SYCP2L: variants seen among roughly 807,000 people sequenced by gnomAD.
SYCP2L encodes synaptonemal complex protein 2 like.
A neutral mutation model predicts 125.8 loss-of-function variants in SYCP2L; 98 were observed. The observed-to-expected ratio is 0.78, with a 90% confidence interval of 0.66 to 0.92. SYCP2L has a LOEUF of 0.92. Ranked by LOEUF, SYCP2L falls within the 40% of genes least tolerant of loss-of-function variation. The probability of loss-of-function intolerance (pLI) is 0.00; values close to 1 mark genes in which losing one functional copy is unlikely to be tolerated. For missense variants in SYCP2L, 842 were observed against 936.4 expected (o/e 0.90, Z 1.32); for synonymous variants, 317 against 325.4 (o/e 0.97, Z 0.28).
In SYCP2L at chr6:10,955,158, T is replaced by C. The variant is rs761131591; in HGVS notation, c.1997T>C (p.Leu666Ser). 6 of 1,613,580 alleles carry C rather than the reference T, an allele frequency of 3.7e-6. No homozygotes were observed. In the Admixed American group the frequency reaches 6.7e-5, roughly 18 times the overall value. ...TTTGCTAAGTCACAACAATCAAGAT[T>C]GGAAGAAGAGGTTGCTCCGGGATCC... ...GSFAKSQQSR[L>S]EEEVAPGSPF... The change falls in exon 24 of 30, where the codon TTG becomes TCG. Residue 666 changes from leucine (L) to serine (S), a missense_variant. Physicochemically the swap from Leu to Ser is moderately radical, Grantham distance 145. Transcript: ENST00000283141.
chr6:10,931,901 T>C (rs1781002844), intron 20 of SYCP2L, among the ~76,000 whole-genome samples: 1 of 151,344 alleles, frequency 6.6e-6, no homozygotes, highest in Admixed American at 6.6e-5. Context: ...GGAGGTGGGG[T>C]TTGCAGTGAG....
intron 8 of SYCP2L, among the ~76,000 whole-genome samples, chr6:10,903,823 A>AT (rs201472872): frequency 4.0e-5 from 6 of 149,598 alleles, no homozygotes; most frequent in East Asian, 1.9e-4. Context: ...AATAATTATA[A>AT]TTTTTTTTTC....
chr6:10,944,712 ATT>A (rs1781278894), intron 23 of SYCP2L, among the ~76,000 whole-genome samples: 1 of 151,852 alleles, frequency 6.6e-6, no homozygotes, highest in Admixed American at 6.6e-5. Flanking sequence ...ATTATTTTTT[ATT>A]TTTTAATTTT....
intron 20 of SYCP2L, among the ~76,000 whole-genome samples, chr6:10,934,557 A>G (rs1344041775): frequency 6.6e-6 from 1 of 152,212 alleles, no homozygotes. Flanking sequence ...GCGCGTGCCT[A>G]TGATTCCAGC....
At chr6:10,947,405 C>A (rs1024708938) in intron 23 of SYCP2L, among the ~76,000 whole-genome samples, 3 of 151,970 alleles carry the variant, frequency 2.0e-5, no homozygotes, top group Non-Finnish European at 2.9e-5. Flanking sequence ...ATTAAACCAT[C>A]CCACACAAGA....
rs1435398205 is a variant in SYCP2L at position 10,898,685 on chromosome 6, T to C, written c.442-139T>C. On this transcript the variant is annotated intron_variant, in intron 5 of 29. Transcript: ENST00000283141. ...TTTAAGGAAGTGATTAAGGCCCAGA[T>C]AGGCTTTCTCTAAAATGCTTTTCTT... 6.1e-6 allele frequency: 4 copies of C among 653,088 alleles called. No homozygotes were observed. In the East Asian group the frequency reaches 1.1e-4, roughly 18 times the overall value. 40.5% of individuals were successfully genotyped at this position (653,088 alleles called of 1,614,324 possible). A position where few individuals can be genotyped will look rare whatever the true frequency, so the allele number is the denominator to read the frequency against.
chr6:10,916,989 T>C (rs1705321539), intron 14 of SYCP2L, among the ~76,000 whole-genome samples: 1 of 152,126 alleles, frequency 6.6e-6, no homozygotes, highest in African/African-American at 2.4e-5. Flanking sequence ...AAGACTCCAT[T>C]TCAAAAAATA....
chr6:10,942,578 A>G (rs1275541478), intron 22 of SYCP2L, 49 bp downstream of exon 22: 7 of 1,573,196 alleles, frequency 4.4e-6, no homozygotes, highest in South Asian at 2.3e-5. Context: ...AATTAATATC[A>G]TATTTGCATA....
intron 21 of SYCP2L, among the ~76,000 whole-genome samples, chr6:10,936,996 C>A (rs1455199066): frequency 6.6e-6 from 1 of 152,184 alleles, no homozygotes; most frequent in African/African-American, 2.4e-5. Context: ...TAAAAGAGTT[C>A]TTTAATTACC....
chr6:10,930,407 A>G lies in SYCP2L; in HGVS notation c.1526A>G (p.Asn509Ser), dbSNP rs1780973165. ...AGAAAACATCTCTTCTCTGAGAGTA[A>G]TCAAGATTCAAGTACCAGTGAACTA... ...HYRKHLFSES[N>S]QDSSTSELSW... Residue 509 changes from asparagine to serine, a missense_variant, in exon 19 of 30, where the codon AAT becomes AGT. Physicochemically the swap from Asn to Ser is conservative, Grantham distance 46. Coordinates refer to ENST00000283141, the MANE Select transcript of SYCP2L (RefSeq NM_001040274.3). 1 of 1,613,522 alleles carries G rather than the reference A, an allele frequency of 6.2e-7. No individual in the cohort carries two copies. Among genetic ancestry groups the G allele is most frequent in the Non-Finnish European group, 8.5e-7 (1 of 1,179,812 alleles).
chr6:10,891,418 ATTTTT>A (rs61237589), intron 1 of SYCP2L, 90 bp from the exon 2 acceptor site: 6,283 of 470,992 alleles, frequency 0.013, 1 homozygote, highest in East Asian at 0.024. Context: ...CAAACCTTTA[ATTTTT>A]TTTTTTTTTT....
intron 4 of SYCP2L, among the ~76,000 whole-genome samples, chr6:10,895,768 G>A (rs1561679564): frequency 6.6e-6 from 1 of 152,034 alleles, no homozygotes; most frequent in South Asian, 2.1e-4. Flanking sequence ...GATTACAGGC[G>A]TGAGCTCCCG....
At chr6:10,913,303 G>A (rs533213401) in intron 14 of SYCP2L, among the ~76,000 whole-genome samples, 22 of 152,264 alleles carry the variant, frequency 1.4e-4, no homozygotes, top group Non-Finnish European at 3.1e-4. Context: ...TAGAAAATCA[G>A]GTAGTAAACT....
At chr6:10,927,165 A>G in intron 16 of SYCP2L, 75 bp from the exon 17 acceptor site, 1 of 1,573,620 alleles carries the variant, frequency 6.4e-7, no homozygotes, top group Non-Finnish European at 8.6e-7. Context: ...CAGAGGGGAC[A>G]TCCCATGAAG....
chr6:10,912,714 C>A lies in SYCP2L; in HGVS notation c.960C>A (p.Ile320=). Residue 320 remains isoleucine, a synonymous_variant, in exon 13 of 30, where the codon ATC becomes ATA. Coordinates refer to ENST00000283141, the MANE Select transcript of SYCP2L (RefSeq NM_001040274.3). This position sits in a 1 kb window ranked among gnomAD's most constrained non-coding sequence, Gnocchi z 4.1. ...PADEKLEKFW[I]DFNLGSQSVT... Reference sequence around the variant, plus strand: ...ATGAAAAATTAGAGAAATTTTGGATCGACTTCAACCTAGGAAGTCAGAGTG... The same window carrying A: ...ATGAAAAATTAGAGAAATTTTGGATAGACTTCAACCTAGGAAGTCAGAGTG... 6.2e-7 allele frequency: 1 copy of A among 1,613,616 alleles called. No homozygotes were observed. Among genetic ancestry groups the A allele is most frequent in the Non-Finnish European group, 8.5e-7 (1 of 1,179,926 alleles).
At chr6:10,959,527 A>G (rs189732561) in intron 26 of SYCP2L, among the ~76,000 whole-genome samples, 148 of 152,340 alleles carry the variant, frequency 9.7e-4, no homozygotes, top group South Asian at 1.7e-3. Context: ...TTTATACTTA[A>G]AAATGGTTAA....
intron 10 of SYCP2L, among the ~76,000 whole-genome samples, chr6:10,908,034 A>G (rs4713043): frequency 0.7 from 105,775 of 151,380 alleles, 37,473 homozygotes; most frequent in East Asian, 0.99. Flanking sequence ...GATTATAGGC[A>G]CCTGCCACCA....
At chr6:10,958,384 G>A (rs1781541236) in intron 25 of SYCP2L, among the ~76,000 whole-genome samples, 1 of 152,126 alleles carries the variant, frequency 6.6e-6, no homozygotes, top group African/African-American at 2.4e-5. Context: ...GGGCGGGGAG[G>A]TGCCACACAC....
chr6:10,902,603 G>T lies in SYCP2L; in HGVS notation c.467-74G>T, dbSNP rs965598501. ...GCCAGAACGACATCCTTAGTGAAAA[G>T]CTCTGACCGTGTGTAGGAGTCATTT... On this transcript the variant is annotated intron_variant, in intron 6 of 29. Transcript: ENST00000283141. 7.9e-6 allele frequency: 10 copies of T among 1,264,534 alleles called. No individual in the cohort carries two copies. In the African/African-American group the frequency reaches 1.5e-4, roughly 19 times the overall value. The allele number at this position is 1,264,534 out of a possible 1,614,324, so 78.3% of individuals were successfully genotyped here.
Sources: allele counts gnomAD v4.1 joint callset (sites outside exome capture counted in the v4.1 genomes callset), GRCh38; gene constraint gnomAD v4.1.1; non-coding constraint Gnocchi (gnomAD v3.1); transcripts MANE v1.5; gene names NCBI Gene and HGNC (gene_info 2026-07-23, HGNC 2026-07-21).